Variants in UBE2G1 observed in about 807,000 individuals in gnomAD.
The protein encoded by UBE2G1 is ubiquitin-conjugating enzyme E2 G1.
Under a neutral mutation model 22.7 loss-of-function variants are expected in UBE2G1, and 5 were observed. That is an observed-to-expected ratio of 0.22 (90% CI 0.12 to 0.46). The LOEUF (loss-of-function observed/expected upper bound fraction) is 0.46, where lower values mean the gene tolerates loss of function less well. Among genes scored for constraint, UBE2G1 ranks in the 20% least tolerant of loss-of-function variants. The pLI is 0.99. For missense variants in UBE2G1, 88 were observed against 203.9 expected, an observed-to-expected ratio of 0.43 and a Z score of 3.46; for synonymous variants, 74 against 67.5, an observed-to-expected ratio of 1.10 and a Z score of -0.47.
intron 5 of UBE2G1, among the ~76,000 whole-genome samples, chr17:4,282,406 G>A (rs1364037092): frequency 2.0e-5 from 3 of 152,116 alleles, no homozygotes; most frequent in Non-Finnish European, 1.5e-5. Context: ...TAAAGGAATA[G>A]GTAGATGACT....
chr17:4,321,819 T>A (rs1255769787), intron 1 of UBE2G1, among the ~76,000 whole-genome samples: 1 of 152,178 alleles, frequency 6.6e-6, no homozygotes, highest in Non-Finnish European at 1.5e-5. Context: ...GTCTAAGGGA[T>A]GAAGGCAATA....
Position 4,330,220 on chromosome 17 carries a change from G to GA in UBE2G1, c.47-23098dup, listed in dbSNP as rs541905074. On this transcript the variant is annotated intron_variant, in intron 1 of 5. Transcript: ENST00000396981. ...AGGAGACATGGGGACAGCAACAATC[G>GA]AAAATCTAAATGATCCACAGATTTT... 7.6e-4 allele frequency among the ~76,000 whole-genome samples: 115 copies of GA among 152,176 alleles called. 3 individuals carry two copies. In the East Asian group the frequency reaches 0.015, roughly 20 times the overall value.
intron 1 of UBE2G1, among the ~76,000 whole-genome samples, chr17:4,340,504 T>C (rs1462378306): frequency 6.6e-6 from 1 of 152,136 alleles, no homozygotes; most frequent in Non-Finnish European, 1.5e-5. Flanking sequence ...CATGGGGGCA[T>C]TCACCCATGC....
At position 4,337,404 on chromosome 17, in the gene UBE2G1, G is replaced by A. The variant is rs571361118; in HGVS notation, c.46+28867C>T. Among the ~76,000 whole-genome samples the A allele has an allele frequency of 1.0e-3, 157 of 151,828 alleles. 2 individuals carry two copies. Among genetic ancestry groups the A allele is most frequent in the African/African-American group, 3.6e-3 (148 of 41,438 alleles). On this transcript the variant is annotated intron_variant, in intron 1 of 5. Coordinates refer to ENST00000396981, the MANE Select transcript of UBE2G1 (RefSeq NM_003342.5). ...GCAGTGGCTCACGCCTGTAATCCCA[G>A]CACTTTGGGAGGTCGAGGCAGGTGG...
chr17:4,296,402 A>G (rs918671344), intron 3 of UBE2G1, among the ~76,000 whole-genome samples: 2 of 152,110 alleles, frequency 1.3e-5, no homozygotes, highest in African/African-American at 4.8e-5. Context: ...AGCTGGGATT[A>G]CAGGTGTGTG....
intron 1 of UBE2G1, among the ~76,000 whole-genome samples, chr17:4,317,337 C>G (rs1043890309): frequency 6.6e-6 from 1 of 151,828 alleles, no homozygotes; most frequent in African/African-American, 2.4e-5. Flanking sequence ...GCGACAAGAG[C>G]GAGACTTCGT....
At chr17:4,344,249 C>A (rs1024748318) in intron 1 of UBE2G1, among the ~76,000 whole-genome samples, 3 of 152,084 alleles carry the variant, frequency 2.0e-5, no homozygotes, top group Non-Finnish European at 4.4e-5. Context: ...AATCTACAAT[C>A]AAGAAGCCCG....
chr17:4,290,641 T>C (rs971944675), intron 3 of UBE2G1, among the ~76,000 whole-genome samples: 1 of 111,090 alleles, frequency 9.0e-6, no homozygotes, highest in African/African-American at 2.7e-5. Flanking sequence ...CTGGCTAACC[T>C]GACTTTTTTT....
intron 1 of UBE2G1, among the ~76,000 whole-genome samples, chr17:4,310,873 C>T (rs749144030): frequency 6.6e-6 from 1 of 152,094 alleles, no homozygotes; most frequent in Non-Finnish European, 1.5e-5. Context: ...ATCAATCAAC[C>T]TAACCTGGTG....
At chr17:4,341,285 CATGAG>C (rs772451819) in intron 1 of UBE2G1, among the ~76,000 whole-genome samples, 11 of 152,156 alleles carry the variant, frequency 7.2e-5, no homozygotes, top group Non-Finnish European at 1.3e-4. Flanking sequence ...TCACAAAAAT[CATGAG>C]ATAAGTATGA....
In UBE2G1 at chr17:4,270,904, A is replaced by C. The variant is rs1275947994; in HGVS notation, c.*1650T>G. 1 of 152,164 alleles carries C rather than the reference A, an allele frequency of 6.6e-6. No individual in the cohort carries two copies. The highest frequency in any genetic ancestry group is 1.5e-5 in the Non-Finnish European group (1 of 68,026). 9.4% of individuals were successfully genotyped at this position (152,164 alleles called of 1,614,324 possible). A position where few individuals can be genotyped will look rare whatever the true frequency, so the allele number is the denominator to read the frequency against. On this transcript the variant is annotated 3_prime_UTR_variant, in exon 6 of 6. Transcript: ENST00000396981. ...TGTAGAGGTCTGGGCTCTTGGCAGG[A>C]GTTCTTTCACTCTTCTGCCAAAGCA...
intron 1 of UBE2G1, among the ~76,000 whole-genome samples, chr17:4,360,532 T>G (rs1279138369): frequency 6.6e-6 from 1 of 152,348 alleles, no homozygotes; most frequent in African/African-American, 2.4e-5. Context: ...CCACCCTAGA[T>G]CCACTCTATT....
intron 1 of UBE2G1, among the ~76,000 whole-genome samples, chr17:4,322,639 C>T (rs1969454369): frequency 6.6e-6 from 1 of 151,878 alleles, no homozygotes; most frequent in South Asian, 2.1e-4. Context: ...ACAGGTGAAC[C>T]TATGTAAGAG....
chr17:4,359,851 CAA>C (rs35941094), intron 1 of UBE2G1, among the ~76,000 whole-genome samples: 3 of 107,508 alleles, frequency 2.8e-5, no homozygotes, highest in African/African-American at 8.6e-5. Flanking sequence ...GGCTCCATCT[CAA>C]AAAAAAAAAA....
At chr17:4,337,735 G>A (rs1969666177) in intron 1 of UBE2G1, among the ~76,000 whole-genome samples, 1 of 151,570 alleles carries the variant, frequency 6.6e-6, no homozygotes, top group Non-Finnish European at 1.5e-5. Flanking sequence ...CAGAGGAAGA[G>A]AGCCACAGCC....
chr17:4,285,572 G>A (rs1267386837), intron 4 of UBE2G1, among the ~76,000 whole-genome samples: 1 of 152,180 alleles, frequency 6.6e-6, no homozygotes, highest in Non-Finnish European at 1.5e-5. Flanking sequence ...TGGGATCCAT[G>A]AAACAAAAGA....
intron 2 of UBE2G1, 140 bp from the exon 3 acceptor site, chr17:4,296,954 G>A: frequency 1.5e-6 from 1 of 682,016 alleles, no homozygotes; most frequent in East Asian, 2.8e-5. Flanking sequence ...CCCACAGGCA[G>A]TTACTTTCTC....
chr17:4,307,061 G>T lies in UBE2G1; in HGVS notation c.109C>A (p.Arg37=), dbSNP rs1194780472. 1 of 1,613,946 alleles carries T rather than the reference G, an allele frequency of 6.2e-7. No individual in the cohort carries two copies. Among genetic ancestry groups the T allele is most frequent in the South Asian group, 1.1e-5 (1 of 91,076 alleles). Residue 37 remains arginine (R), a synonymous_variant, in exon 2 of 6, where the codon CGA becomes AGA. Transcript: ENST00000396981. ...GGGCCAATAATAAGGACTTCCCATC[G>T]GTAGAGATCATTGTCATCTATTAAA... ...AGLIDDNDLY[R]WEVLIIGPPD...
At chr17:4,347,862 C>A (rs1969797457) in intron 1 of UBE2G1, among the ~76,000 whole-genome samples, 1 of 152,116 alleles carries the variant, frequency 6.6e-6, no homozygotes, top group African/African-American at 2.4e-5. Flanking sequence ...TGGGGCACCA[C>A]GAATTGTGCC....
Sources: allele counts gnomAD v4.1 joint callset (sites outside exome capture counted in the v4.1 genomes callset), GRCh38; gene constraint gnomAD v4.1.1; transcripts MANE v1.5; gene names NCBI Gene and HGNC (gene_info 2026-07-23, HGNC 2026-07-21).